Variants in CCDC85C observed in about 807,000 individuals in gnomAD.
CCDC85C encodes coiled-coil domain-containing protein 85C.
In CCDC85C, 18 loss-of-function variants were observed where a neutral mutation model predicts 38.3. That is an observed-to-expected ratio of 0.47 (90% CI 0.33 to 0.70). CCDC85C has a LOEUF of 0.70. Among genes scored for constraint, CCDC85C ranks in the 30% least tolerant of loss-of-function variants. CCDC85C has a pLI of 0.03. For missense variants in CCDC85C, 566 were observed against 621.2 expected, an observed-to-expected ratio of 0.91 and a Z score of 0.94; for synonymous variants, 264 against 293.8, an observed-to-expected ratio of 0.90 and a Z score of 1.04.
chr14:99,581,627 G>A (rs1444408906), intron 1 of CCDC85C, among the ~76,000 whole-genome samples: 2 of 152,168 alleles, frequency 1.3e-5, no homozygotes, highest in African/African-American at 2.4e-5. Context: ...CAATTCTCTC[G>A]CCTGCCTGCG....
Position 99,502,354 on chromosome 14 carries a change from T to A in CCDC85C, c.*12892A>T. 1 of 1,613,758 alleles carries A rather than the reference T, an allele frequency of 6.2e-7. No homozygotes were observed. Among genetic ancestry groups the A allele is most frequent in the Non-Finnish European group, 8.5e-7 (1 of 1,179,824 alleles). The stretch of plus-strand genomic sequence containing the variant: ...GATGGTGGGAGCAGTTTGTTCAAGA[T>A]GTCCCGGTCGACGTTTTGGAAGGTA... On this transcript the variant is annotated 3_prime_UTR_variant, in exon 6 of 6. Coordinates refer to ENST00000380243, the MANE Select transcript of CCDC85C (RefSeq NM_001144995.2).
At chr14:99,593,510 G>C (rs959166603) in intron 1 of CCDC85C, among the ~76,000 whole-genome samples, 1 of 152,258 alleles carries the variant, frequency 6.6e-6, no homozygotes, top group African/African-American at 2.4e-5. Context: ...CTGGGGCAGG[G>C]AGGTAGGGGT....
At chr14:99,559,913 A>G (rs772398000) in intron 1 of CCDC85C, among the ~76,000 whole-genome samples, 5 of 152,098 alleles carry the variant, frequency 3.3e-5, no homozygotes, top group Non-Finnish European at 5.9e-5. Context: ...TCTTCCCAGC[A>G]GAGGCCACGG....
At position 99,604,102 on chromosome 14, in the gene CCDC85C, C is replaced by G; in HGVS notation, c.-143G>C. ...CGCCCCGCGCCGCCTGGCGCGTCCT[C>G]TCGCCGCGCCCGCCGGGGCCGCCCG... On this transcript the variant is annotated 5_prime_UTR_variant, in exon 1 of 6. Transcript: ENST00000380243. 1 of 844,220 alleles carries G rather than the reference C, an allele frequency of 1.2e-6. No individual in the cohort carries two copies. Among genetic ancestry groups the G allele is most frequent in the Non-Finnish European group, 1.4e-6 (1 of 704,652 alleles). The allele number at this position is 844,220 out of a possible 1,614,324, so 52.3% of individuals were successfully genotyped here.
chr14:99,518,422 C>T (rs909711889), intron 3 of CCDC85C, among the ~76,000 whole-genome samples: 6 of 152,174 alleles, frequency 3.9e-5, no homozygotes, highest in African/African-American at 7.2e-5. Flanking sequence ...GCTCAACCCA[C>T]GCTGAGCCTC....
intron 2 of CCDC85C, among the ~76,000 whole-genome samples, chr14:99,531,926 C>G (rs1406102219): frequency 1.3e-5 from 2 of 152,252 alleles, no homozygotes; most frequent in Non-Finnish European, 1.5e-5. Flanking sequence ...ACCCTCACTA[C>G]CTGCTGAAGC....
In CCDC85C at chr14:99,501,147, G is replaced by GTTTTCCA. The variant is rs969603906; in HGVS notation, c.*14092_*14098dup. 2 of 602,394 alleles carry GTTTTCCA rather than the reference G, an allele frequency of 3.3e-6. No homozygotes were observed. Among genetic ancestry groups the GTTTTCCA allele is most frequent in the Non-Finnish European group, 5.8e-6 (2 of 342,794 alleles). 37.3% of individuals were successfully genotyped at this position (602,394 alleles called of 1,614,324 possible). A position where few individuals can be genotyped will look rare whatever the true frequency, so the allele number is the denominator to read the frequency against. ...CTAATAAACTTAGCCTTGGAGCCAG[G>GTTTTCCA]TTTTCCATACATGGTGGTTCAGCGT... On this transcript the variant is annotated 3_prime_UTR_variant, in exon 6 of 6. Transcript: ENST00000380243.
intron 1 of CCDC85C, among the ~76,000 whole-genome samples, chr14:99,536,947 C>T (rs1671298412): frequency 6.6e-6 from 1 of 152,206 alleles, no homozygotes; most frequent in Non-Finnish European, 1.5e-5. Context: ...CCAGGGCAAA[C>T]CCTCAGGGCA....
chr14:99,506,870 G>C lies in CCDC85C; in HGVS notation c.*8376C>G, dbSNP rs1438262190. 2.7e-5 allele frequency: 15 copies of C among 546,414 alleles called. No individual in the cohort carries two copies. The highest frequency in any genetic ancestry group is 3.3e-6 in the Non-Finnish European group (1 of 302,202). 33.8% of individuals were successfully genotyped at this position (546,414 alleles called of 1,614,324 possible). ...ATGGGCTGCCTGTGGGAAGCTCGCA[G>C]GTCTTTTGGAGGGAGGTGGCATTTA... On this transcript the variant is annotated 3_prime_UTR_variant, in exon 6 of 6. Transcript: ENST00000380243.
intron 2 of CCDC85C, among the ~76,000 whole-genome samples, chr14:99,527,861 G>A (rs1349571112): frequency 1.3e-5 from 2 of 152,198 alleles, no homozygotes; most frequent in South Asian, 2.1e-4. Flanking sequence ...TTCAAAGTGG[G>A]GATTAGCACC....
intron 1 of CCDC85C, among the ~76,000 whole-genome samples, chr14:99,573,858 T>C (rs1030786605): frequency 2.6e-5 from 4 of 152,152 alleles, no homozygotes; most frequent in African/African-American, 4.8e-5. Context: ...AGCCTCACTC[T>C]TCTGGGCCGC....
In CCDC85C at chr14:99,520,389, T is replaced by C. The variant is rs1357375567; in HGVS notation, c.975+1744A>G. ...TCATCGGCCCCTCCCACGAGATACC[T>C]TGACCCCTCAACCCCCACTCCTGGG... On this transcript the variant is annotated intron_variant, in intron 3 of 5. Coordinates refer to ENST00000380243, the MANE Select transcript of CCDC85C (RefSeq NM_001144995.2). This position sits in a 1 kb window ranked among gnomAD's most constrained non-coding sequence, Gnocchi z 4.1. 6.6e-6 allele frequency among the ~76,000 whole-genome samples: 1 copy of C among 151,722 alleles called. No homozygotes were observed. The highest frequency in any genetic ancestry group is 1.5e-5 in the Non-Finnish European group (1 of 67,916).
chr14:99,554,408 G>A (rs1480302785), intron 1 of CCDC85C, among the ~76,000 whole-genome samples: 1 of 152,224 alleles, frequency 6.6e-6, no homozygotes, highest in Non-Finnish European at 1.5e-5. Flanking sequence ...AGAAAGCCTG[G>A]CACTGGAGTG....
intron 1 of CCDC85C, among the ~76,000 whole-genome samples, chr14:99,574,639 G>T (rs1411685457): frequency 6.6e-6 from 1 of 152,228 alleles, no homozygotes; most frequent in Non-Finnish European, 1.5e-5. Flanking sequence ...GGGGAGAGCG[G>T]AGAGGAGAGG....
At chr14:99,528,940 C>T (rs1447368250) in intron 2 of CCDC85C, among the ~76,000 whole-genome samples, 1 of 151,974 alleles carries the variant, frequency 6.6e-6, no homozygotes, top group South Asian at 2.1e-4. Flanking sequence ...CCACGGCACA[C>T]GTGTACTCAT....
rs1595316106 is a variant in CCDC85C, at chr14:99,502,140, C to T, written c.*13106G>A. On this transcript the variant is annotated 3_prime_UTR_variant, in exon 6 of 6. Coordinates refer to ENST00000380243, the MANE Select transcript of CCDC85C (RefSeq NM_001144995.2). ...AAATTAATGGTTAGTTATGGCATCT[C>T]CATGCACTGGTTTAATCATAAATAT... 1 of 1,476,460 alleles carries T rather than the reference C, an allele frequency of 6.8e-7. No individual in the cohort carries two copies. Among genetic ancestry groups the T allele is most frequent in the Non-Finnish European group, 9.0e-7 (1 of 1,107,246 alleles). The allele number at this position is 1,476,460 out of a possible 1,614,324, so 91.5% of individuals were successfully genotyped here.
Position 99,558,928 on chromosome 14 carries a change from T to C in CCDC85C, c.794-22840A>G, listed in dbSNP as rs1898061864. 6.6e-6 allele frequency among the ~76,000 whole-genome samples: 1 copy of C among 152,150 alleles called. No individual in the cohort carries two copies. The highest frequency in any genetic ancestry group is 1.5e-5 in the Non-Finnish European group (1 of 68,026). On this transcript the variant is annotated intron_variant, in intron 1 of 5. Coordinates refer to ENST00000380243, the MANE Select transcript of CCDC85C (RefSeq NM_001144995.2). The surrounding 1 kb of genome is among the most constrained non-coding windows in gnomAD (Gnocchi z 4.2). The stretch of plus-strand genomic sequence containing the variant: ...ATGGTTTAGTGCCACCCCCTATTGC[T>C]GTTCTTGTGATACAGTTCCTCTGTG...
In CCDC85C at chr14:99,501,647, T is replaced by C. The variant is rs1422297883; in HGVS notation, c.*13599A>G. 9.6e-6 allele frequency: 5 copies of C among 521,160 alleles called. No individual in the cohort carries two copies. In the East Asian group the frequency reaches 1.6e-4, roughly 17 times the overall value. 32.3% of individuals were successfully genotyped at this position (521,160 alleles called of 1,614,324 possible). On this transcript the variant is annotated 3_prime_UTR_variant, in exon 6 of 6. Transcript: ENST00000380243. ...TGAGGTGCTGAAATTTTATCACCAGTCTGAAACATAAGTCCAAAACAATAC... is the reference window on the plus strand; with the variant it reads ...TGAGGTGCTGAAATTTTATCACCAGCCTGAAACATAAGTCCAAAACAATAC...
In CCDC85C at chr14:99,500,667, C is replaced by A; in HGVS notation, c.*14579G>T. 1.2e-6 allele frequency: 1 copy of A among 806,632 alleles called. No individual in the cohort carries two copies. Among genetic ancestry groups the A allele is most frequent in the Non-Finnish European group, 2.1e-6 (1 of 476,096 alleles). The allele number at this position is 806,632 out of a possible 1,614,324, so 50.0% of individuals were successfully genotyped here. ...AGGAAAGGCAGTTGCTAAAATATAA[C>A]TTGAAGAGAGAATAAATAGACAGGA... On this transcript the variant is annotated 3_prime_UTR_variant, in exon 6 of 6. Transcript: ENST00000380243.
Sources: allele counts gnomAD v4.1 joint callset (sites outside exome capture counted in the v4.1 genomes callset), GRCh38; gene constraint gnomAD v4.1.1; non-coding constraint Gnocchi (gnomAD v3.1); transcripts MANE v1.5; gene names NCBI Gene and HGNC (gene_info 2026-07-23, HGNC 2026-07-21).